LTBP2: variants seen among roughly 807,000 people sequenced by gnomAD.
LTBP2 encodes latent-transforming growth factor beta-binding protein 2.
In LTBP2, 103 loss-of-function variants were observed where a neutral mutation model predicts 210.6. That is an observed-to-expected ratio of 0.49 (90% CI 0.42 to 0.58). The LOEUF (loss-of-function observed/expected upper bound fraction) is 0.58, where lower values mean the gene tolerates loss of function less well. Ranked by LOEUF, LTBP2 falls within the 20% of genes least tolerant of loss-of-function variation. The pLI is 0.00. For missense variants in LTBP2, 2,313 were observed against 2,494.5 expected, an observed-to-expected ratio of 0.93 and a Z score of 1.55; for synonymous variants, 1,007 against 1,015.0, an observed-to-expected ratio of 0.99 and a Z score of 0.15.
At position 74,503,387 on chromosome 14, in the gene LTBP2, C is replaced by G; in HGVS notation, c.4721-1G>C. On this transcript the variant is annotated splice_acceptor_variant, in intron 32 of 35. Coordinates refer to ENST00000261978, the MANE Select transcript of LTBP2 (RefSeq NM_000428.3). LOFTEE classifies it high-confidence loss of function. ...TGGATGTCGTGGTCAGGGAGGTCCT[C>G]TGGTGGCACAGGGCACGGAGGCACA... 6.2e-7 allele frequency: 1 copy of G among 1,612,402 alleles called. No homozygotes were observed. The highest frequency in any genetic ancestry group is 8.5e-7 in the Non-Finnish European group (1 of 1,179,766).
intron 3 of LTBP2, among the ~76,000 whole-genome samples, chr14:74,572,269 C>T (rs2087988993): frequency 6.6e-6 from 1 of 151,650 alleles, no homozygotes; most frequent in Non-Finnish European, 1.5e-5. Context: ...CCCTTTAGCC[C>T]TTCTGCAGAG....
intron 26 of LTBP2, 101 bp downstream of exon 26, chr14:74,507,078 T>G (rs2087001511): frequency 1.3e-6 from 2 of 1,598,274 alleles, no homozygotes; most frequent in Non-Finnish European, 1.7e-6. Flanking sequence ...TACAATCAGC[T>G]GCAAAAAATC....
intron 3 of LTBP2, among the ~76,000 whole-genome samples, chr14:74,575,118 G>A (rs1461134634): frequency 1.3e-5 from 2 of 152,208 alleles, no homozygotes; most frequent in African/African-American, 2.4e-5. Flanking sequence ...TCTAGGCTCC[G>A]GATCAAAGCA....
intron 8 of LTBP2, among the ~76,000 whole-genome samples, chr14:74,541,374 T>C (rs1454810702): frequency 1.3e-5 from 2 of 152,194 alleles, no homozygotes; most frequent in African/African-American, 4.8e-5. Flanking sequence ...GCACTTACTA[T>C]GGGCCAGGCC....
At position 74,498,635 on chromosome 14, in the gene LTBP2, T is replaced by G. The variant is rs1273781546; in HGVS notation, c.*2249A>C. ...CAATATCTCAAGGTTGGCAGGAAGG[T>G]GGAGATTGGAGTGTTGTGGGGGCAG... is the stretch of plus-strand genomic sequence containing the variant. On this transcript the variant is annotated 3_prime_UTR_variant, in exon 36 of 36. Coordinates refer to ENST00000261978, the MANE Select transcript of LTBP2 (RefSeq NM_000428.3). 1 of 231,600 alleles carries G rather than the reference T, an allele frequency of 4.3e-6. No individual in the cohort carries two copies. The highest frequency in any genetic ancestry group is 8.5e-6 in the Non-Finnish European group (1 of 117,162). 14.3% of individuals were successfully genotyped at this position (231,600 alleles called of 1,614,324 possible).
intron 3 of LTBP2, among the ~76,000 whole-genome samples, chr14:74,560,942 AGGGGTCCT>A (rs1190375394): frequency 2.6e-5 from 4 of 152,196 alleles, no homozygotes; most frequent in African/African-American, 9.7e-5. Flanking sequence ...TGGTATTCAC[AGGGGTCCT>A]GGAACAAATT....
chr14:74,503,402 A>G lies in LTBP2; in HGVS notation c.4721-16T>C. ...GGGAGGTCCTCTGGTGGCACAGGGC[A>G]CGGAGGCACATGAGCCCCCCAGCCC... On this transcript the variant is annotated splice_polypyrimidine_tract_variant and intron_variant, in intron 32 of 35. Coordinates refer to ENST00000261978, the MANE Select transcript of LTBP2 (RefSeq NM_000428.3). The G allele has an allele frequency of 3.1e-6, 5 of 1,611,206 alleles. No homozygotes were observed. Among genetic ancestry groups the G allele is most frequent in the Non-Finnish European group, 4.2e-6 (5 of 1,179,576 alleles).
rs560523541 is a variant in LTBP2, at chr14:74,528,309, G to A, written c.2368+174C>T. Among the ~76,000 whole-genome samples, 17 of 152,340 alleles carry A rather than the reference G, an allele frequency of 1.1e-4. No homozygotes were observed. In the South Asian group the frequency reaches 3.5e-3, roughly 32 times the overall value. On this transcript the variant is annotated intron_variant, in intron 12 of 35. Transcript: ENST00000261978. ...CCCATATGGAAGAGGAAGTGGGTGG[G>A]GCCAGGCCATGAGAGAAGGCTGCCA...
chr14:74,503,427 C>T, intron 32 of LTBP2, 41 bp from the exon 33 acceptor site: 1 of 1,609,756 alleles, frequency 6.2e-7, no homozygotes, highest in Non-Finnish European at 8.5e-7. Flanking sequence ...CCCCCCAGCC[C>T]AGGTACCCTT....
chr14:74,611,927 T>C lies in LTBP2; in HGVS notation c.18A>G (p.Lys6=). Residue 6 remains lysine, a synonymous_variant, in exon 1 of 36, where the codon AAA becomes AAG. Transcript: ENST00000261978. ...GCAGGGCGCGCCCCGGGCTGCGGGC[T>C]TTGGTCCGCGGCCTCATGGCGCGGG... The part of the protein sequence containing the change: MRPRT[K]ARSPGRALRN... 6.3e-7 allele frequency: 1 copy of C among 1,586,146 alleles called. No homozygotes were observed. Among genetic ancestry groups the C allele is most frequent in the African/African-American group, 1.3e-5 (1 of 74,190 alleles).
intron 3 of LTBP2, among the ~76,000 whole-genome samples, chr14:74,558,191 G>A (rs2087752459): frequency 6.6e-6 from 1 of 152,182 alleles, no homozygotes; most frequent in Admixed American, 6.5e-5. Context: ...CCTAAGGTCA[G>A]GAGTTCGAGA....
At chr14:74,503,416 GC>G in intron 32 of LTBP2, 30 bp from the exon 33 acceptor site, 2 of 1,609,868 alleles carry the variant, frequency 1.2e-6, no homozygotes, top group South Asian at 1.1e-5. Context: ...AGGCACATGA[GC>G]CCCCCAGCCC....
At chr14:74,594,448 G>C (rs563094567) in intron 2 of LTBP2, among the ~76,000 whole-genome samples, 2 of 152,086 alleles carry the variant, frequency 1.3e-5, no homozygotes, top group African/African-American at 4.8e-5. Context: ...TGCTTCCCAG[G>C]TTAAACCTCC....
At position 74,498,613 on chromosome 14, in the gene LTBP2, T is replaced by C. The variant is rs1225146035; in HGVS notation, c.*2271A>G. 1 of 230,684 alleles carries C rather than the reference T, an allele frequency of 4.3e-6. No individual in the cohort carries two copies. The highest frequency in any genetic ancestry group is 8.6e-6 in the Non-Finnish European group (1 of 116,536). The allele number at this position is 230,684 out of a possible 1,614,324, so 14.3% of individuals were successfully genotyped here. ...AGGAAATATGTATATATGCATACAA[T>C]ATCTCAAGGTTGGCAGGAAGGTGGA... On this transcript the variant is annotated 3_prime_UTR_variant, in exon 36 of 36. Transcript: ENST00000261978.
At chr14:74,501,618 G>A in intron 34 of LTBP2, 28 bp from the exon 35 acceptor site, 1 of 1,613,488 alleles carries the variant, frequency 6.2e-7, no homozygotes, top group Non-Finnish European at 8.5e-7. Context: ...GAGAGAGGAG[G>A]AGGCTGAGGG....
chr14:74,528,742 C>T (rs1478317359), intron 11 of LTBP2, 44 bp from the exon 12 acceptor site: 1 of 1,599,484 alleles, frequency 6.3e-7, no homozygotes, highest in Non-Finnish European at 8.5e-7. Context: ...GGTGCTGTTC[C>T]TGCAGGAAAC....
intron 28 of LTBP2, among the ~76,000 whole-genome samples, chr14:74,505,575 T>G (rs2086971846): frequency 2.1e-5 from 3 of 143,258 alleles, no homozygotes; most frequent in Non-Finnish European, 1.5e-5. Flanking sequence ...CCTCCCACCC[T>G]TCCTCGTCTC....
rs947688846 is a variant in LTBP2 at position 74,498,542 on chromosome 14, A to G, written c.*2342T>C. The G allele has an allele frequency of 3.5e-5, 8 of 226,484 alleles. No individual in the cohort carries two copies. The highest frequency in any genetic ancestry group is 1.8e-4 in the African/African-American group (8 of 44,970). The allele number at this position is 226,484 out of a possible 1,614,324, so 14.0% of individuals were successfully genotyped here. A position where few individuals can be genotyped will look rare whatever the true frequency, so the allele number is the denominator to read the frequency against. On this transcript the variant is annotated 3_prime_UTR_variant, in exon 36 of 36. Transcript: ENST00000261978. ...CTAATTGCAAGTATAAAAAAAAAGC[A>G]AAGTGCAGAACAGCATGCATAGTAT...
intron 2 of LTBP2, among the ~76,000 whole-genome samples, chr14:74,602,362 C>T (rs2088460130): frequency 6.6e-6 from 1 of 152,212 alleles, no homozygotes; most frequent in Non-Finnish European, 1.5e-5. Flanking sequence ...CTAGTACATA[C>T]TCAGTTGTTA....
Sources: allele counts gnomAD v4.1 joint callset (sites outside exome capture counted in the v4.1 genomes callset), GRCh38; gene constraint gnomAD v4.1.1; transcripts MANE v1.5; gene names NCBI Gene and HGNC (gene_info 2026-07-23, HGNC 2026-07-21).